RUNX1: variants seen among roughly 807,000 people sequenced by gnomAD.
RUNX1 encodes RUNX family transcription factor 1.
RUNX1 carries 19 observed loss-of-function variants against 42.8 expected under a neutral mutation model. The observed-to-expected ratio is 0.44, with a 90% CI of 0.31 to 0.65. RUNX1 has a LOEUF of 0.65. Among genes scored for constraint, RUNX1 ranks in the 30% least tolerant of loss-of-function variants. RUNX1 has a pLI of 0.07. For missense variants in RUNX1, 528 were observed against 672.0 expected, an observed-to-expected ratio of 0.79 and a Z score of 2.37; for synonymous variants, 271 against 289.4, an observed-to-expected ratio of 0.94 and a Z score of 0.64.
intron 2 of RUNX1, among the ~76,000 whole-genome samples, chr21:35,047,543 A>ACT (rs1568814190): frequency 3.0e-5 from 4 of 131,314 alleles, no homozygotes; most frequent in Admixed American, 7.6e-5. Flanking sequence ...ACACACACAC[A>ACT]CACACACACA....
chr21:34,985,935 C>T (rs569252304), intron 2 of RUNX1, among the ~76,000 whole-genome samples: 6 of 144,848 alleles, frequency 4.1e-5, no homozygotes, highest in Admixed American at 1.4e-4. Context: ...TACAATAGCA[C>T]GATCATGGTC....
intron 2 of RUNX1, among the ~76,000 whole-genome samples, chr21:35,023,532 C>T (rs2242891): frequency 4.6e-5 from 7 of 152,038 alleles, no homozygotes; most frequent in African/African-American, 1.7e-4. Flanking sequence ...CCTCCCTAGC[C>T]GGGAGGCCAG....
intron 7 of RUNX1, among the ~76,000 whole-genome samples, chr21:34,800,363 A>G (rs1215640155): frequency 6.6e-6 from 1 of 152,226 alleles, no homozygotes; most frequent in African/African-American, 2.4e-5. Flanking sequence ...CTTAAATTGG[A>G]CACTGTCCCA....
chr21:35,037,203 G>A (rs950962309), intron 2 of RUNX1, among the ~76,000 whole-genome samples: 6 of 152,122 alleles, frequency 3.9e-5, no homozygotes, highest in African/African-American at 1.2e-4. Context: ...ACAACTGGTC[G>A]GTCAGGAAGA....
chr21:34,889,891 A>C, intron 3 of RUNX1: 2 of 1,051,468 alleles, frequency 1.9e-6, no homozygotes, highest in Non-Finnish European at 2.3e-6. Context: ...GGGGCCTCTC[A>C]TCCACCCCGG....
intron 2 of RUNX1, among the ~76,000 whole-genome samples, chr21:35,024,893 C>T (rs867069772): frequency 6.6e-6 from 1 of 152,196 alleles, no homozygotes; most frequent in African/African-American, 2.4e-5. Flanking sequence ...TTTTTAGAAA[C>T]AGCCAGAAGG....
At position 34,789,710 on chromosome 21, in the gene RUNX1, C is replaced by A. The variant is rs1477512969; in HGVS notation, c.*2425G>T. Reference sequence around the variant, plus strand: ...AAATACTATATATGCTGGTAAGAGTCTGTGAAACTCTAAATGACCAATCCA... The same window carrying A: ...AAATACTATATATGCTGGTAAGAGTATGTGAAACTCTAAATGACCAATCCA... On this transcript the variant is annotated 3_prime_UTR_variant, in exon 9 of 9. Transcript: ENST00000675419. 8.6e-6 allele frequency: 2 copies of A among 232,962 alleles called. No homozygotes were observed. The highest frequency in any genetic ancestry group is 1.1e-4 in the Admixed American group (2 of 17,754). 14.4% of individuals were successfully genotyped at this position (232,962 alleles called of 1,614,324 possible).
chr21:34,879,898 G>T (rs944212549), intron 5 of RUNX1, among the ~76,000 whole-genome samples: 20 of 152,152 alleles, frequency 1.3e-4, no homozygotes, highest in South Asian at 1.2e-3. Context: ...CTGAAGTAAT[G>T]CAACAATTTC....
chr21:34,927,295 G>T (rs1308304019), intron 2 of RUNX1, among the ~76,000 whole-genome samples: 2 of 152,102 alleles, frequency 1.3e-5, no homozygotes, highest in Non-Finnish European at 2.9e-5. Context: ...CACACTCCAC[G>T]TAACACAGAA....
intron 2 of RUNX1, among the ~76,000 whole-genome samples, chr21:34,915,957 A>G (rs2058308970): frequency 6.6e-6 from 1 of 152,186 alleles, no homozygotes; most frequent in South Asian, 2.1e-4. Flanking sequence ...TTGAAAGTAC[A>G]GTAATGAGAT....
intron 7 of RUNX1, among the ~76,000 whole-genome samples, chr21:34,825,530 T>C (rs1317239927): frequency 1.3e-5 from 2 of 152,158 alleles, no homozygotes; most frequent in African/African-American, 4.8e-5. Flanking sequence ...AGTAACACGA[T>C]TGGGGCATTT....
At chr21:34,892,363 CTA>C in intron 3 of RUNX1, among the ~76,000 whole-genome samples, 1 of 152,274 alleles carries the variant, frequency 6.6e-6, no homozygotes, top group East Asian at 1.9e-4. Flanking sequence ...AATCTAATTA[CTA>C]TGAGAGGGGG....
At chr21:34,911,465 C>A (rs1285528768) in intron 2 of RUNX1, among the ~76,000 whole-genome samples, 1 of 152,170 alleles carries the variant, frequency 6.6e-6, no homozygotes, top group Non-Finnish European at 1.5e-5. Flanking sequence ...GATAGAGGAA[C>A]CCTCTGCAGT....
At chr21:34,926,512 ATCTGTC>A (rs780319262) in intron 2 of RUNX1, among the ~76,000 whole-genome samples, 571 of 47,916 alleles carry the variant, frequency 0.012, 208 homozygotes, top group Non-Finnish European at 0.021. Flanking sequence ...TATTGACTAA[ATCTGTC>A]AGCATTTTGA....
At chr21:34,939,665 G>C (rs975142973) in intron 2 of RUNX1, among the ~76,000 whole-genome samples, 2 of 152,090 alleles carry the variant, frequency 1.3e-5, no homozygotes, top group African/African-American at 4.8e-5. Context: ...AACTAGAGAG[G>C]ACCTAAAAAA....
At chr21:34,999,625 T>C (rs1486155972) in intron 2 of RUNX1, among the ~76,000 whole-genome samples, 2 of 152,154 alleles carry the variant, frequency 1.3e-5, no homozygotes, top group African/African-American at 4.8e-5. Context: ...ACACACAATC[T>C]AGTGTTCGAC....
intron 6 of RUNX1, among the ~76,000 whole-genome samples, chr21:34,846,215 T>TTTTTTTA (rs1385178245): frequency 7.7e-6 from 1 of 130,168 alleles, no homozygotes; most frequent in African/African-American, 2.7e-5. Context: ...TTTTTTTTTT[T>TTTTTTTA]CAAATGTTGC....
chr21:34,896,232 G>T (rs1398555284), intron 2 of RUNX1, among the ~76,000 whole-genome samples: 3 of 152,080 alleles, frequency 2.0e-5, no homozygotes, highest in Non-Finnish European at 4.4e-5. Context: ...TGTATCTAGG[G>T]TACAATCAAA....
chr21:34,887,904 C>T (rs1453502398), intron 3 of RUNX1: 9 of 1,065,080 alleles, frequency 8.5e-6, no homozygotes, highest in Non-Finnish European at 2.3e-6. Flanking sequence ...ACGCTCAGTG[C>T]AGAAAATTCA....
Sources: gnomAD v4.1 joint callset for allele counts (sites outside exome capture counted in the v4.1 genomes callset) on GRCh38, gnomAD v4.1.1 for gene constraint, MANE v1.5 for transcripts, NCBI Gene and HGNC (gene_info 2026-07-23, HGNC 2026-07-21) for gene names.